The following POC1A variants were observed in gnomAD, a reference collection of about 807,000 sequenced individuals.
POC1A encodes the protein POC1 centriolar protein homolog A.
In POC1A, 34 loss-of-function variants were observed where a neutral mutation model predicts 47.8. The observed-to-expected ratio is 0.71, with a 90% confidence interval of 0.54 to 0.95. The LOEUF is 0.95. Ranked by LOEUF, POC1A falls within the 40% of genes least tolerant of loss-of-function variation. The probability of loss-of-function intolerance (pLI) is 0.00; values close to 1 mark genes in which losing one functional copy is unlikely to be tolerated. For missense variants in POC1A, 466 were observed against 528.3 expected (o/e 0.88, Z 1.16); for synonymous variants, 177 against 207.6 (o/e 0.85, Z 1.27).
chr3:52,154,417 C>A lies in POC1A; in HGVS notation c.-45G>T. On this transcript the variant is annotated 5_prime_UTR_variant, in exon 1 of 11. Transcript: ENST00000296484. ...AAGGCAGCTGCGGTGGCCGTTGCGG[C>A]CCGTTCAGTTTCCGCGCCCCCAACG... The A allele has an allele frequency of 7.1e-7, 1 of 1,410,240 alleles. No individual in the cohort carries two copies. The highest frequency in any genetic ancestry group is 9.2e-7 in the Non-Finnish European group (1 of 1,086,410). The allele number at this position is 1,410,240 out of a possible 1,614,324, so 87.4% of individuals were successfully genotyped here.
At chr3:52,083,950 C>G (rs1463641808) in intron 10 of POC1A, among the ~76,000 whole-genome samples, 1 of 152,236 alleles carries the variant, frequency 6.6e-6, no homozygotes, top group Non-Finnish European at 1.5e-5. Flanking sequence ...AGTGGTTGAG[C>G]AGGGAAGAGA....
At chr3:52,130,771 G>A (rs1457947254) in intron 7 of POC1A, among the ~76,000 whole-genome samples, 1 of 152,154 alleles carries the variant, frequency 6.6e-6, no homozygotes, top group Non-Finnish European at 1.5e-5. Context: ...TGGACAGAGG[G>A]ATGGCCCACT....
At chr3:52,119,435 T>C (rs1206218676) in intron 9 of POC1A, among the ~76,000 whole-genome samples, 1 of 151,470 alleles carries the variant, frequency 6.6e-6, no homozygotes, top group Non-Finnish European at 1.5e-5. Flanking sequence ...CACTCTGTCA[T>C]CCAAGCTGGA....
chr3:52,135,586 G>A (rs1704425792), intron 7 of POC1A, among the ~76,000 whole-genome samples: 1 of 152,204 alleles, frequency 6.6e-6, no homozygotes, highest in Non-Finnish European at 1.5e-5. Context: ...AAATCCAGGG[G>A]CAGAGCTAAG....
intron 9 of POC1A, among the ~76,000 whole-genome samples, chr3:52,111,307 G>A (rs1703371701): frequency 6.6e-6 from 1 of 152,214 alleles, no homozygotes; most frequent in African/African-American, 2.4e-5. Flanking sequence ...CCTAATCGCT[G>A]TTTCAGGGCT....
At chr3:52,137,689 T>C (rs1363759246) in intron 7 of POC1A, among the ~76,000 whole-genome samples, 1 of 152,216 alleles carries the variant, frequency 6.6e-6, no homozygotes, top group East Asian at 1.9e-4. Context: ...CTTTGCTTCC[T>C]TGATTCCATT....
Position 52,122,076 on chromosome 3 carries a change from T to G in POC1A, c.981+303A>C, listed in dbSNP as rs1559833460. Among the ~76,000 whole-genome samples, 2 of 152,212 alleles carry G rather than the reference T, an allele frequency of 1.3e-5. 1 individual carries two copies. The highest frequency in any genetic ancestry group is 4.1e-4 in the South Asian group (2 of 4,828). ...GGTTCAGTATGGGACGGGTCCCTTG[T>G]CTCCTAAGGCCTCAATCAAACAGCA... On this transcript the variant is annotated intron_variant, in intron 9 of 10. Transcript: ENST00000296484.
In POC1A at chr3:52,094,664, G is replaced by A. The variant is rs578139957; in HGVS notation, c.1125+1905C>T. 2.8e-4 allele frequency among the ~76,000 whole-genome samples: 43 copies of A among 152,368 alleles called. 1 individual carries two copies. Among genetic ancestry groups the A allele is most frequent in the Admixed American group, 5.2e-4 (8 of 15,312 alleles). ...TGCAGAACTCAAGTTTCCTCGGGAC[G>A]CATTGAGTCCGTCAAGAACATGCCT... On this transcript the variant is annotated intron_variant, in intron 10 of 10. Transcript: ENST00000296484.
intron 7 of POC1A, 101 bp from the exon 8 acceptor site, chr3:52,125,282 T>C: frequency 1.0e-6 from 1 of 1,000,534 alleles, no homozygotes; most frequent in Non-Finnish European, 1.5e-6. Context: ...AGCAGCAGGA[T>C]AAAGGACCGA....
In POC1A at chr3:52,140,227, A is replaced by C. The variant is rs566985836; in HGVS notation, c.680-1925T>G. ...CGTGTTCCCAGGCACACTTAGGGGG[A>C]AACAGCCAAGGCTTTACGTAACATG... On this transcript the variant is annotated intron_variant, in intron 6 of 10. Transcript: ENST00000296484. Among the ~76,000 whole-genome samples the C allele has an allele frequency of 2.2e-4, 34 of 152,306 alleles. 1 individual carries two copies. The South Asian group carries it at 6.6e-3, about 30-fold the overall frequency.
chr3:52,154,284 T>C lies in POC1A; in HGVS notation c.18+71A>G, dbSNP rs1698652787. On this transcript the variant is annotated intron_variant, in intron 1 of 10. Coordinates refer to ENST00000296484, the MANE Select transcript of POC1A (RefSeq NM_015426.5). ...CCCGCCCGCCCCTCGCAGCCATCGCTCTGGCCATTAGGCGCCCAGTGTCCC... is the reference window on the plus strand; with the variant it reads ...CCCGCCCGCCCCTCGCAGCCATCGCCCTGGCCATTAGGCGCCCAGTGTCCC... 4 of 1,470,820 alleles carry C rather than the reference T, an allele frequency of 2.7e-6. No homozygotes were observed. In the East Asian group the frequency reaches 1.1e-4, roughly 39 times the overall value. 91.1% of individuals were successfully genotyped at this position (1,470,820 alleles called of 1,614,324 possible).
Position 52,151,080 on chromosome 3 carries a change from C to T in POC1A, c.39G>A (p.Arg13=), listed in dbSNP as rs1045441503. The change falls in exon 2 of 11, where the codon AGG becomes AGA. Residue 13 remains arginine (R), a synonymous_variant. Coordinates refer to ENST00000296484, the MANE Select transcript of POC1A (RefSeq NM_015426.5). ...CTGCATCTCGGTGGCCCTTAAAATG[C>T]CTTTCCAGCGAGGGGTCCTCCTGAG... ...APCAEDPSLE[R]HFKGHRDAVT... 1.1e-5 allele frequency: 17 copies of T among 1,608,556 alleles called. No individual in the cohort carries two copies. The highest frequency in any genetic ancestry group is 1.4e-5 in the Non-Finnish European group (17 of 1,177,658).
At chr3:52,126,602 G>C (rs1704012564) in intron 7 of POC1A, among the ~76,000 whole-genome samples, 1 of 152,202 alleles carries the variant, frequency 6.6e-6, no homozygotes. Context: ...CACTTCTGTT[G>C]CTATAATGGA....
chr3:52,094,186 C>T (rs1390074939), intron 10 of POC1A, among the ~76,000 whole-genome samples: 1 of 152,214 alleles, frequency 6.6e-6, no homozygotes, highest in Non-Finnish European at 1.5e-5. Context: ...GGGCATCCTA[C>T]CCCTCCAGAA....
Position 52,086,580 on chromosome 3 carries a change from G to T in POC1A, c.1125+9989C>A, listed in dbSNP as rs149367086. Among the ~76,000 whole-genome samples the T allele has an allele frequency of 1.6e-4, 24 of 152,320 alleles. No homozygotes were observed. The East Asian group carries it at 4.4e-3, about 28-fold the overall frequency. On this transcript the variant is annotated intron_variant, in intron 10 of 10. Transcript: ENST00000296484. ...GGTGTAAGCCTGTGTGCGTACACAC[G>T]CAGGACCCTGACTTGCTGGTGGTGC...
rs561585770 is a variant in POC1A, at chr3:52,119,946, T to C, written c.981+2433A>G. On this transcript the variant is annotated intron_variant, in intron 9 of 10. Coordinates refer to ENST00000296484, the MANE Select transcript of POC1A (RefSeq NM_015426.5). ...ATCGGACTCACAAGCTCCTGAGACA[T>C]GGCTGCAGTGCTCCTGGGCTCCCTA... Among the ~76,000 whole-genome samples, 59 of 152,210 alleles carry C rather than the reference T, an allele frequency of 3.9e-4. 1 individual carries two copies. In the South Asian group the frequency reaches 0.011, roughly 29 times the overall value.
chr3:52,115,049 G>A (rs1703513486), intron 9 of POC1A, among the ~76,000 whole-genome samples: 1 of 152,184 alleles, frequency 6.6e-6, no homozygotes, highest in Non-Finnish European at 1.5e-5. Flanking sequence ...TCGGGGGTTT[G>A]GGCTCCATGA....
intron 1 of POC1A, among the ~76,000 whole-genome samples, chr3:52,153,454 C>T (rs528984108): frequency 6.6e-6 from 1 of 152,374 alleles, no homozygotes; most frequent in South Asian, 2.1e-4. Flanking sequence ...CCACCCCTAA[C>T]GCACCTGTCA....
chr3:52,083,562 C>T (rs1168829654), intron 10 of POC1A, among the ~76,000 whole-genome samples: 2 of 152,200 alleles, frequency 1.3e-5, no homozygotes, highest in African/African-American at 2.4e-5. Flanking sequence ...CTGGTTTTCT[C>T]TTGAGGTGGG....
Sources: gnomAD v4.1 joint callset for allele counts (sites outside exome capture counted in the v4.1 genomes callset) on GRCh38, gnomAD v4.1.1 for gene constraint, MANE v1.5 for transcripts, NCBI Gene and HGNC (gene_info 2026-07-23, HGNC 2026-07-21) for gene names.